Variants in VPS13A observed in about 807,000 individuals in gnomAD.
VPS13A encodes the protein vacuolar protein sorting 13 homolog A.
A neutral mutation model predicts 390.9 loss-of-function variants in VPS13A; 264 were observed. That is an observed-to-expected ratio of 0.68 (90% CI 0.61 to 0.75). The LOEUF is 0.75. Ranked by LOEUF, VPS13A falls within the 30% of genes least tolerant of loss-of-function variation. The pLI is 0.00. For missense variants in VPS13A, 3,409 were observed against 3,733.9 expected (o/e 0.91, Z 2.27); for synonymous variants, 1,231 against 1,227.1 (o/e 1.00, Z -0.07).
intron 24 of VPS13A, 100 bp downstream of exon 24, chr9:77,273,464 A>G: frequency 7.2e-6 from 7 of 972,444 alleles, no homozygotes; most frequent in South Asian, 6.4e-5. Context: ...GAAGGAAAAT[A>G]TCTTTTCCTT....
intron 13 of VPS13A, among the ~76,000 whole-genome samples, chr9:77,224,694 A>G (rs1210694266): frequency 2.0e-5 from 3 of 152,224 alleles, no homozygotes; most frequent in Non-Finnish European, 4.4e-5. Context: ...ACTCCTGGTG[A>G]AGATGAGAAC....
At chr9:77,415,825 T>G in intron 71 of VPS13A, 131 bp from the exon 72 acceptor site, 2 of 1,017,774 alleles carry the variant, frequency 2.0e-6, no homozygotes. Context: ...GCAGGATGAA[T>G]TTTATGTATT....
chr9:77,258,846 G>A (rs147411729), intron 22 of VPS13A, among the ~76,000 whole-genome samples: 2 of 151,866 alleles, frequency 1.3e-5, no homozygotes, highest in African/African-American at 4.8e-5. Context: ...TTTTCTTCTT[G>A]GTAAGTATGC....
chr9:77,293,561 A>G, intron 32 of VPS13A, 53 bp downstream of exon 32: 1 of 1,068,986 alleles, frequency 9.4e-7, no homozygotes, highest in East Asian at 3.0e-5. Context: ...AAATTGCTAT[A>G]TGTCAAATAT....
chr9:77,355,824 C>T (rs1333512709), intron 54 of VPS13A, among the ~76,000 whole-genome samples: 1 of 152,154 alleles, frequency 6.6e-6, no homozygotes, highest in Non-Finnish European at 1.5e-5. Context: ...TCAAAGTGCA[C>T]ATAGATCTGA....
chr9:77,184,461 A>G (rs1021997209), intron 1 of VPS13A, among the ~76,000 whole-genome samples: 15 of 152,106 alleles, frequency 9.9e-5, no homozygotes, highest in African/African-American at 3.6e-4. Context: ...TCTACTAAAA[A>G]TACAAAAATT....
intron 32 of VPS13A, among the ~76,000 whole-genome samples, 183 bp from the exon 33 acceptor site, chr9:77,295,359 T>C (rs1406218094): frequency 6.6e-6 from 1 of 152,134 alleles, no homozygotes; most frequent in Admixed American, 6.5e-5. Context: ...TGTCTTTGTG[T>C]TTCTCAGTTT....
At chr9:77,379,024 T>A (rs942516443) in intron 67 of VPS13A, among the ~76,000 whole-genome samples, 1 of 151,534 alleles carries the variant, frequency 6.6e-6, no homozygotes, top group African/African-American at 2.4e-5. Flanking sequence ...TTTCTAGTTT[T>A]CTTCCATGTG....
intron 68 of VPS13A, among the ~76,000 whole-genome samples, chr9:77,386,714 T>A (rs12341665): frequency 3.6e-5 from 5 of 140,578 alleles, no homozygotes; most frequent in Middle Eastern, 3.6e-3. Context: ...TTTTTTTTAA[T>A]TTTTTTTTTT....
At chr9:77,297,880 G>T (rs758239273) in intron 33 of VPS13A, among the ~76,000 whole-genome samples, 1 of 152,066 alleles carries the variant, frequency 6.6e-6, no homozygotes, top group Non-Finnish European at 1.5e-5. Context: ...ACTAGAGGTT[G>T]GAAGGATAAT....
intron 12 of VPS13A, 22 bp from the exon 13 acceptor site, chr9:77,221,163 A>G (rs1424799891): frequency 6.2e-7 from 1 of 1,611,780 alleles, no homozygotes; most frequent in Non-Finnish European, 8.5e-7. Context: ...AGGGTGTTAA[A>G]TGTTTTTCTT....
At chr9:77,183,619 TA>T (rs112409426) in intron 1 of VPS13A, among the ~76,000 whole-genome samples, 31,134 of 152,150 alleles carry the variant, frequency 0.2, 3,382 homozygotes, top group Middle Eastern at 0.26. Context: ...GGAACTCTGT[TA>T]ATATGTCTCC....
At chr9:77,183,344 G>A (rs1824138038) in intron 1 of VPS13A, among the ~76,000 whole-genome samples, 1 of 152,284 alleles carries the variant, frequency 6.6e-6, no homozygotes, top group East Asian at 1.9e-4. Flanking sequence ...AAGTTTCCTT[G>A]TGCCTTTTTG....
In VPS13A at chr9:77,418,869, T is replaced by G. The variant is rs988215076; in HGVS notation, c.*2863T>G. 2 of 152,114 alleles carry G rather than the reference T, an allele frequency of 1.3e-5. No homozygotes were observed. Among genetic ancestry groups the G allele is most frequent in the African/African-American group, 4.8e-5 (2 of 41,356 alleles). 9.4% of individuals were successfully genotyped at this position (152,114 alleles called of 1,614,324 possible). ...AAACATCCCACATAGTAGCATCGTA[T>G]TACTCTCTGGTAAAAAGAAAGATTA... On this transcript the variant is annotated 3_prime_UTR_variant, in exon 72 of 72. Transcript: ENST00000360280.
chr9:77,363,683 A>C (rs1308845464), intron 59 of VPS13A, among the ~76,000 whole-genome samples: 2 of 152,160 alleles, frequency 1.3e-5, no homozygotes, highest in Non-Finnish European at 2.9e-5. Context: ...TTCTCCTGCA[A>C]ACTATTAGGT....
At chr9:77,213,344 T>C in intron 9 of VPS13A, 30 bp downstream of exon 9, 1 of 1,559,146 alleles carries the variant, frequency 6.4e-7, no homozygotes, top group Non-Finnish European at 8.8e-7. Flanking sequence ...ATGTATTTGT[T>C]GGTATCATAT....
At chr9:77,270,602 A>G (rs1243008287) in intron 23 of VPS13A, among the ~76,000 whole-genome samples, 1 of 152,174 alleles carries the variant, frequency 6.6e-6, no homozygotes, top group East Asian at 1.9e-4. Context: ...GTGGCACAAC[A>G]ATCACTTGAA....
At chr9:77,306,406 G>GTGTT (rs1554885516) in intron 34 of VPS13A, among the ~76,000 whole-genome samples, 4 of 127,362 alleles carry the variant, frequency 3.1e-5, no homozygotes, top group South Asian at 2.7e-4. Flanking sequence ...GAGAGAGTGT[G>GTGTT]TGTGTGTTTG....
chr9:77,277,763 C>T (rs1826771492), intron 26 of VPS13A, among the ~76,000 whole-genome samples: 1 of 151,924 alleles, frequency 6.6e-6, no homozygotes, highest in Non-Finnish European at 1.5e-5. Context: ...TCTTTTTTAG[C>T]AATGAATGAT....
Sources: gnomAD v4.1 joint callset for allele counts (sites outside exome capture counted in the v4.1 genomes callset) on GRCh38, gnomAD v4.1.1 for gene constraint, MANE v1.5 for transcripts, NCBI Gene and HGNC (gene_info 2026-07-23, HGNC 2026-07-21) for gene names.